Variants in P3H1 observed in about 807,000 individuals in gnomAD.
P3H1 encodes growth suppressor 1.
In P3H1, 69 loss-of-function variants were observed where a neutral mutation model predicts 84.0. The observed-to-expected ratio is 0.82, with a 90% CI of 0.68 to 1.00. The LOEUF (loss-of-function observed/expected upper bound fraction) is 1.00. Among genes scored for constraint, P3H1 ranks in the 50% least tolerant of loss-of-function variants. P3H1 has a pLI of 0.00. For missense variants in P3H1, 878 were observed against 962.8 expected, an observed-to-expected ratio of 0.91 and a Z score of 1.17; for synonymous variants, 366 against 388.8, an observed-to-expected ratio of 0.94 and a Z score of 0.69.
chr1:42,758,625 G>C (rs138781937), intron 4 of P3H1, among the ~76,000 whole-genome samples: 608 of 152,334 alleles, frequency 4.0e-3, no homozygotes, highest in Non-Finnish European at 7.3e-3. Context: ...GAAGGGACAA[G>C]AGATGAGGTC....
In P3H1 at chr1:42,767,000, G is replaced by GCCACCCGCCAC; in HGVS notation, c.-40_-30dup. ...TCCCTCAGACCTAACGGAACCGCCA[G>GCCACCCGCCAC]CCACCCGCCACCAAGGCCGGAGTCC... On this transcript the variant is annotated 5_prime_UTR_variant, in exon 1 of 15. Transcript: ENST00000296388. 9.4e-6 allele frequency: 15 copies of GCCACCCGCCAC among 1,598,506 alleles called. No individual in the cohort carries two copies. Among genetic ancestry groups the GCCACCCGCCAC allele is most frequent in the Non-Finnish European group, 1.3e-5 (15 of 1,177,330 alleles).
At position 42,766,760 on chromosome 1, in the gene P3H1, A is replaced by C; in HGVS notation, c.212T>G (p.Leu71Arg). The C allele has an allele frequency of 6.3e-7, 1 of 1,590,504 alleles. No individual in the cohort carries two copies. Among genetic ancestry groups the C allele is most frequent in the Non-Finnish European group, 8.5e-7 (1 of 1,171,422 alleles). The change falls in exon 1 of 15, where the codon CTT (leucine) becomes CGT (arginine). Residue 71 changes from leucine to arginine, a missense_variant. Physicochemically the swap from Leu to Arg is moderately radical, Grantham distance 102. Transcript: ENST00000296388. ...ALRSRAALRALRLRCRTQCAA... is the reference protein window; with the variant it reads ...ALRSRAALRARRLRCRTQCAA... ...ACACTGGGTGCGGCAGCGCAGGCGA[A>C]GGGCGCGGAGGGCTGCCCGGGAGCG...
rs766750535 is a variant in P3H1, at chr1:42,748,309, C to T, written c.1729G>A (p.Ala577Thr). Residue 577 changes from alanine (A) to threonine (T), a missense_variant, in exon 12 of 15, where the codon GCA becomes ACA. Transcript: ENST00000296388. ...VCRTAIEEVQ[A>T]ERKDDSHPVH... ...GGATGACTATCATCCTTCCTCTCTG[C>T]CTGGACCTCTGGGGCCAATGTCACA... 6.2e-7 allele frequency: 1 copy of T among 1,612,920 alleles called. No individual in the cohort carries two copies. The highest frequency in any genetic ancestry group is 8.5e-7 in the Non-Finnish European group (1 of 1,179,148).
In P3H1 at chr1:42,752,600, C is replaced by G. The variant is rs1475403977; in HGVS notation, c.1410G>C (p.Gln470His). ...TMNSKLLNGS[Q>H]RVVMDGVISD... ...AGATTACGCCGTCCATCACCACCCG[C>G]TGGGAACCATTCAGGAGTTTGGAGT... The change falls in exon 9 of 15, where the codon CAG becomes CAC. Residue 470 changes from glutamine (Q) to histidine (H), a missense_variant. Transcript: ENST00000296388. 1 of 1,614,090 alleles carries G rather than the reference C, an allele frequency of 6.2e-7. No individual in the cohort carries two copies. Among genetic ancestry groups the G allele is most frequent in the Non-Finnish European group, 8.5e-7 (1 of 1,180,028 alleles).
intron 4 of P3H1, among the ~76,000 whole-genome samples, 182 bp downstream of exon 4, chr1:42,758,670 G>A (rs1006040685): frequency 2.6e-5 from 4 of 152,194 alleles, no homozygotes; most frequent in African/African-American, 9.7e-5. Context: ...TGGGTTGCTG[G>A]TATTGGCTTC....
chr1:42,762,622 A>T (rs1652781964), intron 1 of P3H1, 147 bp from the exon 2 acceptor site: 5 of 818,494 alleles, frequency 6.1e-6, no homozygotes, highest in Non-Finnish European at 1.0e-5. Context: ...CCCAGGAAGC[A>T]CACCTATTGC....
In P3H1 at chr1:42,762,196, G is replaced by A. The variant is rs2760070; in HGVS notation, c.618+127C>T. 0.72 allele frequency: 672,524 copies of A among 936,910 alleles called. 242,503 individuals carry two copies. The highest frequency in any genetic ancestry group is 0.84 in the South Asian group (62,238 of 74,472). 58.0% of individuals were successfully genotyped at this position (936,910 alleles called of 1,614,324 possible). A position where few individuals can be genotyped will look rare whatever the true frequency, so the allele number is the denominator to read the frequency against. ...CGAGACTAGAGGGTCTCTTGAGTCC[G>A]GGAATTTGAGGTTACAGTGAGCTAT... On this transcript the variant is annotated intron_variant, in intron 2 of 14. Transcript: ENST00000296388.
chr1:42,766,236 T>A (rs1381679897), intron 1 of P3H1, among the ~76,000 whole-genome samples: 2 of 152,206 alleles, frequency 1.3e-5, no homozygotes, highest in African/African-American at 4.8e-5. Context: ...TCCAGGAGAT[T>A]TCCCAGGGAA....
intron 1 of P3H1, 143 bp downstream of exon 1, chr1:42,766,364 C>A: frequency 1.4e-6 from 1 of 735,210 alleles, no homozygotes; most frequent in Non-Finnish European, 2.3e-6. Context: ...CAGCTCTCCC[C>A]GGCTCCGAGG....
In P3H1 at chr1:42,750,201, G is replaced by A. The variant is rs142740651; in HGVS notation, c.1705C>T (p.Arg569Cys). The change falls in exon 11 of 15, where the codon CGC becomes TGC. Residue 569 changes from arginine to cysteine, a missense_variant. By Grantham distance (180) the Arg-to-Cys change is radical. Transcript: ENST00000296388. The stretch of plus-strand genomic sequence containing the variant: ...TGAGGCCCACCTTCGATGGCAGTGC[G>A]GCACACCAGATGAGAGTAGGAAAAG... ...LYFSYSHLVC[R>C]TAIEEVQAER... is the part of the protein sequence containing the mutation. 42 of 1,612,992 alleles carry A rather than the reference G, an allele frequency of 2.6e-5. No individual in the cohort carries two copies. Among genetic ancestry groups the A allele is most frequent in the Non-Finnish European group, 3.3e-5 (39 of 1,179,608 alleles).
chr1:42,755,676 C>G, intron 5 of P3H1, 39 bp from the exon 6 acceptor site: 1 of 1,541,450 alleles, frequency 6.5e-7, no homozygotes, highest in Non-Finnish European at 9.0e-7. Flanking sequence ...CAGAACTCAG[C>G]CCTGTCTTTT....
rs1651718997 is a variant in P3H1 at position 42,746,589 on chromosome 1, G to C, written c.*108C>G. 1 of 879,400 alleles carries C rather than the reference G, an allele frequency of 1.1e-6. No homozygotes were observed. Among genetic ancestry groups the C allele is most frequent in the Non-Finnish European group, 1.8e-6 (1 of 543,702 alleles). The allele number at this position is 879,400 out of a possible 1,614,324, so 54.5% of individuals were successfully genotyped here. On this transcript the variant is annotated 3_prime_UTR_variant, in exon 15 of 15. Transcript: ENST00000296388. ...GTGAGCAGGGTCCCCTCGGCTGAGT[G>C]GCAGATGTAGGCTCACTGCTCTGCA...
Position 42,747,599 on chromosome 1 carries a change from A to G in P3H1, c.1914+124T>C, listed in dbSNP as rs144649173. ...TGGACACGTCTCAAAGCCCCTCTGGATGGGGGAAGGGTACCGCCCACTGGG... is the reference window on the plus strand; with the variant it reads ...TGGACACGTCTCAAAGCCCCTCTGGGTGGGGGAAGGGTACCGCCCACTGGG... On this transcript the variant is annotated intron_variant, in intron 13 of 14. Coordinates refer to ENST00000296388, the MANE Select transcript of P3H1 (RefSeq NM_022356.4). The G allele has an allele frequency of 2.1e-4, 250 of 1,167,904 alleles. 2 individuals are homozygous for G. The African/African-American group carries it at 2.7e-3, about 13-fold the overall frequency. 72.3% of individuals were successfully genotyped at this position (1,167,904 alleles called of 1,614,324 possible).
chr1:42,755,117 G>C, intron 7 of P3H1, 48 bp downstream of exon 7: 1 of 1,611,672 alleles, frequency 6.2e-7, no homozygotes, highest in Non-Finnish European at 8.5e-7. Context: ...GAAGCCTCAA[G>C]TGCTTCATCA....
intron 10 of P3H1, among the ~76,000 whole-genome samples, chr1:42,750,552 T>C (rs994316886): frequency 6.6e-6 from 1 of 152,018 alleles, no homozygotes; most frequent in Admixed American, 6.5e-5. Flanking sequence ...AAAATGGGAG[T>C]TTGCGTCCGG....
rs994709040 is a variant in P3H1, at chr1:42,746,692, C to T, written c.*5G>A. On this transcript the variant is annotated 3_prime_UTR_variant, in exon 15 of 15. Transcript: ENST00000296388. ...TAGTCACCCATCCGTCTGACCTGGA[C>T]GCTGTCATAGCTCATCCTTGGGCTT... The T allele has an allele frequency of 1.7e-5, 26 of 1,549,618 alleles. No homozygotes were observed. The highest frequency in any genetic ancestry group is 5.9e-5 in the South Asian group (5 of 84,034).
intron 1 of P3H1, among the ~76,000 whole-genome samples, chr1:42,763,090 A>C (rs1475685455): frequency 6.6e-6 from 1 of 152,104 alleles, no homozygotes; most frequent in Non-Finnish European, 1.5e-5. Flanking sequence ...GACTCAAAAA[A>C]AAAAAAATAC....
chr1:42,749,308 C>CCCT (rs1176451214), intron 11 of P3H1, among the ~76,000 whole-genome samples: 3 of 152,190 alleles, frequency 2.0e-5, no homozygotes, highest in Admixed American at 6.5e-5. Context: ...TAGAGGAAAG[C>CCCT]CCTCTGATCT....
chr1:42,746,992 G>A, intron 14 of P3H1, 140 bp from the exon 15 acceptor site: 1 of 1,614,162 alleles, frequency 6.2e-7, no homozygotes, highest in Non-Finnish European at 8.5e-7. Flanking sequence ...CCTACTCTCT[G>A]GAAAAGGACA....
Sources: allele counts gnomAD v4.1 joint callset (sites outside exome capture counted in the v4.1 genomes callset), GRCh38; gene constraint gnomAD v4.1.1; transcripts MANE v1.5; gene names NCBI Gene and HGNC (gene_info 2026-07-23, HGNC 2026-07-21).